TPST2: variants seen among roughly 807,000 people sequenced by gnomAD.
The protein encoded by TPST2 is tyrosylprotein sulfotransferase 2.
In TPST2, 16 loss-of-function variants were observed where a neutral mutation model predicts 27.8. The observed-to-expected ratio is 0.58, with a 90% CI of 0.39 to 0.88. The LOEUF is 0.88. Ranked by LOEUF, TPST2 falls within the 40% of genes least tolerant of loss-of-function variation. The pLI, the probability that TPST2 is intolerant of heterozygous loss-of-function variation, is 0.00. For missense variants in TPST2, 464 were observed against 543.1 expected, an observed-to-expected ratio of 0.85 and a Z score of 1.45; for synonymous variants, 229 against 231.7, an observed-to-expected ratio of 0.99 and a Z score of 0.10.
chr22:26,528,998 A>AC (rs1924996240), intron 5 of TPST2, among the ~76,000 whole-genome samples: 1 of 118,348 alleles, frequency 8.4e-6, no homozygotes, highest in African/African-American at 2.9e-5. Context: ...ACAAAAACAA[A>AC]AACAAAAAAA....
intron 4 of TPST2, among the ~76,000 whole-genome samples, chr22:26,534,550 C>A (rs753490013): frequency 1.1e-4 from 16 of 152,184 alleles, no homozygotes; most frequent in Admixed American, 1.0e-3. Context: ...CAGGAACGTC[C>A]GACCCATAGC....
chr22:26,589,764 C>T (rs559324711), intron 1 of TPST2, among the ~76,000 whole-genome samples: 1 of 152,272 alleles, frequency 6.6e-6, no homozygotes, highest in South Asian at 2.1e-4. Flanking sequence ...GTCTCCCAGG[C>T]GCTGGGTCCG....
intron 3 of TPST2, among the ~76,000 whole-genome samples, chr22:26,538,069 C>G (rs1253176333): frequency 1.3e-5 from 2 of 152,198 alleles, no homozygotes; most frequent in African/African-American, 2.4e-5. Context: ...CAGATCTTAC[C>G]AATTATAACT....
At position 26,522,243 on chromosome 22, in the gene TPST2, T is replaced by A. The variant is rs1924591639; in HGVS notation, c.*4032A>T. 1 of 151,956 alleles carries A rather than the reference T, an allele frequency of 6.6e-6. No individual in the cohort carries two copies. Among genetic ancestry groups the A allele is most frequent in the South Asian group, 2.1e-4 (1 of 4,804 alleles). The allele number at this position is 151,956 out of a possible 1,614,324, so 9.4% of individuals were successfully genotyped here. A position where few individuals can be genotyped will look rare whatever the true frequency, so the allele number is the denominator to read the frequency against. On this transcript the variant is annotated 3_prime_UTR_variant, in exon 7 of 7. Transcript: ENST00000338754. ...GAGAAGGGGAGTCACTTGGCCACAG[T>A]CGCACAGTTGGAAAGTGGTAGAGCC...
intron 4 of TPST2, among the ~76,000 whole-genome samples, chr22:26,534,971 T>C (rs562539524): frequency 2.0e-5 from 3 of 152,316 alleles, no homozygotes; most frequent in East Asian, 1.9e-4. Context: ...TTTCCATAAA[T>C]AGATGTCTGC....
chr22:26,562,284 T>C (rs1927143352), intron 1 of TPST2, among the ~76,000 whole-genome samples: 1 of 152,222 alleles, frequency 6.6e-6, no homozygotes, highest in Non-Finnish European at 1.5e-5. Flanking sequence ...TGCTTCTGTA[T>C]GCTTAGGGGC....
chr22:26,527,523 A>G lies in TPST2; in HGVS notation c.*7+691T>C, dbSNP rs183928063. ...GAGATCTTAAATCTTTGAATTACCA[A>G]GTTCAAAAAAATCCCTTTCCCCACC... On this transcript the variant is annotated intron_variant, in intron 6 of 6. Transcript: ENST00000338754. Among the ~76,000 whole-genome samples, 4 of 131,784 alleles carry G rather than the reference A, an allele frequency of 3.0e-5. No homozygotes were observed. In the East Asian group the frequency reaches 8.3e-4, roughly 27 times the overall value. The allele number at this position is 131,784 out of a possible 152,430, so 86.5% of individuals were successfully genotyped here.
At chr22:26,575,952 TGCCACCGCAC>T (rs1927818493) in intron 1 of TPST2, among the ~76,000 whole-genome samples, 2 of 151,992 alleles carry the variant, frequency 1.3e-5, no homozygotes, top group East Asian at 3.9e-4. Flanking sequence ...GCCGAGATCG[TGCCACCGCAC>T]TCCAGCCTGG....
intron 1 of TPST2, among the ~76,000 whole-genome samples, chr22:26,562,507 G>A (rs778202838): frequency 3.3e-5 from 5 of 152,158 alleles, no homozygotes; most frequent in Non-Finnish European, 7.3e-5. Context: ...GAGGGAGAAG[G>A]CATAAGTCTC....
intron 1 of TPST2, among the ~76,000 whole-genome samples, chr22:26,564,313 A>T (rs1453704036): frequency 6.6e-6 from 1 of 151,104 alleles, no homozygotes; most frequent in Non-Finnish European, 1.5e-5. Context: ...CAGCAAAGGA[A>T]GCAGAGTTCC....
intron 1 of TPST2, among the ~76,000 whole-genome samples, chr22:26,570,239 A>G (rs761951751): frequency 6.6e-6 from 1 of 151,978 alleles, no homozygotes; most frequent in African/African-American, 2.4e-5. Context: ...CATTCATTCA[A>G]TCAACACTTG....
chr22:26,558,521 AG>A (rs1323400793), intron 1 of TPST2, among the ~76,000 whole-genome samples: 2 of 152,216 alleles, frequency 1.3e-5, no homozygotes, highest in African/African-American at 4.8e-5. Flanking sequence ...CACTGTGGGC[AG>A]GAGGAGGATG....
chr22:26,570,073 A>T (rs982586378), intron 1 of TPST2, among the ~76,000 whole-genome samples: 15 of 151,428 alleles, frequency 9.9e-5, no homozygotes. Context: ...GAAGGAAAGA[A>T]AGAAAGAAAG....
chr22:26,552,588 T>G (rs566979420), intron 1 of TPST2, among the ~76,000 whole-genome samples: 1 of 152,276 alleles, frequency 6.6e-6, no homozygotes, highest in Admixed American at 6.5e-5. Flanking sequence ...AACCCATGTT[T>G]TTGGCTCTGT....
At position 26,540,880 on chromosome 22, in the gene TPST2, G is replaced by C; in HGVS notation, c.751C>G (p.Leu251Val). The C allele has an allele frequency of 6.2e-7, 1 of 1,614,172 alleles. No homozygotes were observed. Among genetic ancestry groups the C allele is most frequent in the Non-Finnish European group, 8.5e-7 (1 of 1,180,036 alleles). The change falls in exon 3 of 7, where the codon CTC becomes GTC. Residue 251 changes from leucine to valine, a missense_variant. Leu to Val is a conservative substitution (Grantham distance 32). Coordinates refer to ENST00000338754, the MANE Select transcript of TPST2 (RefSeq NM_003595.5). ...LVLHPRRSLK[L>V]ILDFLGIAWS... ...GCGATGCCGAGGAAGTCGAGGATGAGCTTGAGTGAGCGCCTGGGGTGCAGC... is the reference window on the plus strand; with the variant it reads ...GCGATGCCGAGGAAGTCGAGGATGACCTTGAGTGAGCGCCTGGGGTGCAGC...
At chr22:26,538,464 A>T (rs1294020982) in intron 3 of TPST2, among the ~76,000 whole-genome samples, 3 of 152,224 alleles carry the variant, frequency 2.0e-5, no homozygotes, top group Non-Finnish European at 4.4e-5. Context: ...CGAAGTGTCC[A>T]ACAATAGGGA....
intron 1 of TPST2, among the ~76,000 whole-genome samples, chr22:26,557,687 T>C (rs16982327): frequency 0.028 from 4,195 of 151,368 alleles, 172 homozygotes; most frequent in African/African-American, 0.096. Flanking sequence ...TGGTGTAGGA[T>C]GCCTGAAAAG....
intron 1 of TPST2, among the ~76,000 whole-genome samples, chr22:26,588,383 A>C (rs1928423620): frequency 6.6e-6 from 1 of 152,214 alleles, no homozygotes; most frequent in African/African-American, 2.4e-5. Context: ...GCCAAGGGAT[A>C]GGGGAAGAAA....
At chr22:26,542,748 G>A (rs548089718) in intron 2 of TPST2, among the ~76,000 whole-genome samples, 1 of 152,208 alleles carries the variant, frequency 6.6e-6, no homozygotes, top group South Asian at 2.1e-4. Context: ...AGCCAGCGCA[G>A]AGCCACAGGC....
Sources: allele counts gnomAD v4.1 joint callset (sites outside exome capture counted in the v4.1 genomes callset), GRCh38; gene constraint gnomAD v4.1.1; transcripts MANE v1.5; gene names NCBI Gene and HGNC (gene_info 2026-07-23, HGNC 2026-07-21).